RRBP1: variants seen among roughly 807,000 people sequenced by gnomAD.
The protein encoded by RRBP1 is ribosome binding protein 1.
RRBP1 carries 94 observed loss-of-function variants against 165.2 expected under a neutral mutation model. The observed-to-expected ratio is 0.57, with a 90% confidence interval of 0.48 to 0.68. The LOEUF is 0.68. RRBP1 is among the 30% of genes least tolerant of loss of function. The pLI is 0.00. For missense variants in RRBP1, 1,676 were observed against 1,763.0 expected, an observed-to-expected ratio of 0.95 and a Z score of 0.88; for synonymous variants, 680 against 714.5, an observed-to-expected ratio of 0.95 and a Z score of 0.77.
intron 19 of RRBP1, 57 bp from the exon 20 acceptor site, chr20:17,618,736 A>G: frequency 7.6e-7 from 1 of 1,318,624 alleles, no homozygotes; most frequent in Non-Finnish European, 1.1e-6. Flanking sequence ...GGAGAAAACC[A>G]GTCCCCGTGA....
At chr20:17,670,636 C>A (rs1221692114) in intron 2 of RRBP1, among the ~76,000 whole-genome samples, 1 of 152,176 alleles carries the variant, frequency 6.6e-6, no homozygotes, top group African/African-American at 2.4e-5. Context: ...TTACCACTTT[C>A]TTTACTCATC....
Position 17,613,908 on chromosome 20 carries a change from CTG to C in RRBP1, c.*272_*273del. Reference sequence around the variant, plus strand: ...CCCGGCCTCCCACACACCCACGGGGCTGTCAGAGTCAACCAGGGCTTTGGCGT... The same window carrying C: ...CCCGGCCTCCCACACACCCACGGGGCTCAGAGTCAACCAGGGCTTTGGCGT... On this transcript the variant is annotated 3_prime_UTR_variant, in exon 25 of 25. Coordinates refer to ENST00000377813, the MANE Select transcript of RRBP1 (RefSeq NM_001365613.2). The C allele has an allele frequency of 7.0e-6, 3 of 431,204 alleles. No homozygotes were observed. In the East Asian group the frequency reaches 1.2e-4, roughly 17 times the overall value. 26.7% of individuals were successfully genotyped at this position (431,204 alleles called of 1,614,324 possible). A position where few individuals can be genotyped will look rare whatever the true frequency, so the allele number is the denominator to read the frequency against.
chr20:17,681,862 C>T (rs1021100067), intron 1 of RRBP1, among the ~76,000 whole-genome samples, 166 bp downstream of exon 1: 3 of 149,098 alleles, frequency 2.0e-5, no homozygotes, highest in African/African-American at 7.3e-5. Flanking sequence ...CGAGTCCGAC[C>T]CCGACCCCGA....
At chr20:17,667,360 A>G (rs918658181) in intron 2 of RRBP1, among the ~76,000 whole-genome samples, 3 of 152,172 alleles carry the variant, frequency 2.0e-5, no homozygotes, top group Non-Finnish European at 2.9e-5. Flanking sequence ...TTCTGATCCA[A>G]TCTATAAAAT....
chr20:17,664,055 G>A (rs956019867), intron 2 of RRBP1, among the ~76,000 whole-genome samples: 2 of 152,102 alleles, frequency 1.3e-5, no homozygotes, highest in African/African-American at 4.8e-5. Context: ...TACCTATGAT[G>A]AAATTTAATT....
At position 17,676,828 on chromosome 20, in the gene RRBP1, A is replaced by T. The variant is rs1600193583; in HGVS notation, c.-22+3171T>A. Among the ~76,000 whole-genome samples the T allele has an allele frequency of 2.6e-5, 4 of 152,030 alleles. No homozygotes were observed. The South Asian group carries it at 8.3e-4, about 32-fold the overall frequency. On this transcript the variant is annotated intron_variant, in intron 2 of 24. Transcript: ENST00000377813. ...TGTAGTATGATCTTGGCTCACTGCA[A>T]CCTCCACCTTCCAGGTTCAAATGAT...
rs1445299897 is a variant in RRBP1 at position 17,659,445 on chromosome 20, C to A, written c.1063G>T (p.Ala355Ser). 3 of 1,016,636 alleles carry A rather than the reference C, an allele frequency of 3.0e-6. No homozygotes were observed. Among genetic ancestry groups the A allele is most frequent in the Admixed American group, 2.7e-5 (1 of 36,448 alleles). 63.0% of individuals were successfully genotyped at this position (1,016,636 alleles called of 1,614,324 possible). Residue 355 changes from alanine (A) to serine (S), a missense_variant, in exon 3 of 25, where the codon GCC becomes TCC. By Grantham distance (99) the Ala-to-Ser change is moderately conservative (BLOSUM62 1). Around this residue, in one of 5 missense-constraint regions of RRBP1, gnomAD observed 78 missense variants for 115.6 expected, o/e 0.67. Transcript: ENST00000377813. Reference sequence around the variant, plus strand: ...TCGGCCTTCTTGCCCTGATTCTGGGCCCCCTCGGCCTTCTTGCCCTGATTC... The same window carrying A: ...TCGGCCTTCTTGCCCTGATTCTGGGACCCCTCGGCCTTCTTGCCCTGATTC... ...AQNQGKKAEG[A>S]QNQGKKAEGA... is the part of the protein sequence containing the mutation.
chr20:17,676,150 A>G (rs1473470607), intron 2 of RRBP1, among the ~76,000 whole-genome samples: 1 of 152,252 alleles, frequency 6.6e-6, no homozygotes, highest in African/African-American at 2.4e-5. Context: ...TTGTAACTGC[A>G]GTGAGCAGTG....
chr20:17,657,719 T>C (rs1321741562), intron 3 of RRBP1, among the ~76,000 whole-genome samples: 1 of 152,158 alleles, frequency 6.6e-6, no homozygotes, highest in Non-Finnish European at 1.5e-5. Context: ...TACAGTAATA[T>C]ACACTAAACA....
intron 3 of RRBP1, among the ~76,000 whole-genome samples, chr20:17,645,016 TC>T (rs1033266500): frequency 6.6e-6 from 1 of 152,228 alleles, no homozygotes; most frequent in Non-Finnish European, 1.5e-5. Context: ...CCTATTCCTT[TC>T]CAGAACCAGG....
intron 3 of RRBP1, among the ~76,000 whole-genome samples, chr20:17,647,721 G>A (rs534818525): frequency 3.3e-5 from 5 of 152,326 alleles, no homozygotes; most frequent in African/African-American, 7.2e-5. Context: ...AGGGCTTGGG[G>A]AAGAACTCCA....
chr20:17,640,147 T>G (rs189153833), intron 5 of RRBP1, among the ~76,000 whole-genome samples: 96 of 151,866 alleles, frequency 6.3e-4, no homozygotes, highest in Middle Eastern at 3.4e-3. Context: ...ACCACCAGAG[T>G]GGGTCTGCGC....
chr20:17,658,789 G>A lies in RRBP1; in HGVS notation c.1719C>T (p.Ser573=), dbSNP rs1429102891. 4 of 1,613,810 alleles carry A rather than the reference G, an allele frequency of 2.5e-6. No individual in the cohort carries two copies. Among genetic ancestry groups the A allele is most frequent in the African/African-American group, 1.3e-5 (1 of 74,880 alleles). ...CTTCTGCCTTTTTGCCTTCACTGGGGGACCCTTCTGCTTTTTTCCCCTGGT... is the reference window on the plus strand; with the variant it reads ...CTTCTGCCTTTTTGCCTTCACTGGGAGACCCTTCTGCTTTTTTCCCCTGGT... ...ITNQGKKAEG[S]PSEGKKAEGS... is the part of the protein sequence containing the mutation. Residue 573 remains serine (S), a synonymous_variant, in exon 3 of 25, where the codon TCC becomes TCT. Transcript: ENST00000377813.
chr20:17,668,110 T>C (rs1440257051), intron 2 of RRBP1, among the ~76,000 whole-genome samples: 1 of 152,238 alleles, frequency 6.6e-6, no homozygotes, highest in East Asian at 1.9e-4. Context: ...ATTTAACTTA[T>C]TCAGACTCAC....
chr20:17,648,110 T>C (rs2036496568), intron 3 of RRBP1, among the ~76,000 whole-genome samples: 1 of 152,116 alleles, frequency 6.6e-6, no homozygotes, highest in African/African-American at 2.4e-5. Flanking sequence ...GCCAAGGGCA[T>C]CTCTGTCTCT....
At chr20:17,665,484 G>C (rs1397040251) in intron 2 of RRBP1, among the ~76,000 whole-genome samples, 2 of 152,132 alleles carry the variant, frequency 1.3e-5, no homozygotes, top group African/African-American at 4.8e-5. Context: ...CCATTCTTGT[G>C]CCTCAGGCTC....
At chr20:17,654,173 C>T (rs77607067) in intron 3 of RRBP1, among the ~76,000 whole-genome samples, 1,722 of 152,294 alleles carry the variant, frequency 0.011, 74 homozygotes, top group East Asian at 0.073. Flanking sequence ...ATCCCAGGGC[C>T]GGCACCCTCC....
rs576615228 is a variant in RRBP1 at position 17,672,252 on chromosome 20, A to G, written c.-22+7747T>C. Among the ~76,000 whole-genome samples, 24 of 152,348 alleles carry G rather than the reference A, an allele frequency of 1.6e-4. No individual in the cohort carries two copies. The South Asian group carries it at 1.7e-3, about 11-fold the overall frequency. Reference sequence around the variant, plus strand: ...GGGAAGAGTTCTGATGAAGAATTCAATCTCAAGATATGAGCTTCGTTGAAT... The same window carrying G: ...GGGAAGAGTTCTGATGAAGAATTCAGTCTCAAGATATGAGCTTCGTTGAAT... On this transcript the variant is annotated intron_variant, in intron 2 of 24. Transcript: ENST00000377813.
At chr20:17,623,959 C>A (rs537908154) in intron 13 of RRBP1, among the ~76,000 whole-genome samples, 58 of 152,174 alleles carry the variant, frequency 3.8e-4, no homozygotes, top group African/African-American at 1.3e-3. Flanking sequence ...CCTCACAGAG[C>A]CCCCTGGGCC....
Sources: gnomAD v4.1 joint callset for allele counts (sites outside exome capture counted in the v4.1 genomes callset) on GRCh38, gnomAD v4.1.1 for gene constraint, gnomAD v4.1.1 regional missense constraint, MANE v1.5 for transcripts, NCBI Gene and HGNC (gene_info 2026-07-23, HGNC 2026-07-21) for gene names.